IL12RB1: variants seen among roughly 807,000 people sequenced by gnomAD.
IL12RB1 encodes interleukin-12 receptor subunit beta-1.
A neutral mutation model predicts 94.4 loss-of-function variants in IL12RB1; 64 were observed. The observed-to-expected ratio is 0.68, with a 90% CI of 0.55 to 0.83. The LOEUF (loss-of-function observed/expected upper bound fraction) is 0.83, where lower values mean the gene tolerates loss of function less well. Among genes scored for constraint, IL12RB1 ranks in the 40% least tolerant of loss-of-function variants. IL12RB1 has a pLI of 0.00. For missense variants in IL12RB1, 814 were observed against 855.6 expected, an observed-to-expected ratio of 0.95 and a Z score of 0.61; for synonymous variants, 362 against 355.5, an observed-to-expected ratio of 1.02 and a Z score of -0.21.
chr19:18,080,414 T>C (rs571116189), intron 4 of IL12RB1, among the ~76,000 whole-genome samples: 1 of 152,272 alleles, frequency 6.6e-6, no homozygotes, highest in Admixed American at 6.5e-5. Context: ...AATTTTTGTA[T>C]TTTTAATAGA....
chr19:18,064,375 G>A (rs534593778), intron 12 of IL12RB1, among the ~76,000 whole-genome samples: 2 of 151,534 alleles, frequency 1.3e-5, no homozygotes, highest in Admixed American at 6.6e-5. Context: ...TCCTGACCTC[G>A]TGATCTGCCC....
chr19:18,092,539 A>G (rs2036676827), intron 1 of IL12RB1, among the ~76,000 whole-genome samples: 1 of 151,938 alleles, frequency 6.6e-6, no homozygotes, highest in African/African-American at 2.4e-5. Context: ...GCATGGTGGC[A>G]CGCGCCTGTA....
intron 1 of IL12RB1, among the ~76,000 whole-genome samples, chr19:18,092,849 A>C (rs911342054): frequency 1.3e-5 from 2 of 152,110 alleles, no homozygotes; most frequent in Admixed American, 1.3e-4. Flanking sequence ...TACCAAGAAA[A>C]AAGTTCATTC....
Position 18,086,901 on chromosome 19 carries a change from G to A in IL12RB1, c.-78C>T, listed in dbSNP as rs774754819. 2.5e-5 allele frequency: 40 copies of A among 1,572,536 alleles called. No individual in the cohort carries two copies. The East Asian group carries it at 4.5e-4, about 18-fold the overall frequency. ...GGTTCAGCCACCCCGTCCCCACTCC[G>A]GAACACATTGAAGCTGAGCAAGGAG... On this transcript the variant is annotated 5_prime_UTR_variant, in exon 1 of 17. Coordinates refer to ENST00000593993, the MANE Select transcript of IL12RB1 (RefSeq NM_005535.3).
At chr19:18,070,082 A>T (rs1236868231) in intron 9 of IL12RB1, among the ~76,000 whole-genome samples, 4 of 151,742 alleles carry the variant, frequency 2.6e-5, no homozygotes, top group Non-Finnish European at 4.4e-5. Context: ...TTTCCTGGCT[A>T]ATTTATTATT....
In IL12RB1 at chr19:18,063,894, G is replaced by C. The variant is rs11575932; in HGVS notation, c.1600C>G (p.Pro534Ala). The change falls in exon 13 of 17, where the codon CCC becomes GCC. Residue 534 changes from proline (P) to alanine (A), a missense_variant. Transcript: ENST00000593993. The part of the protein sequence containing the change: ...TAWLRGVWSQ[P>A]QRFSIEVQVS... The stretch of plus-strand genomic sequence containing the variant: ...CACTCACCGATGCTGAAGCGCTGGG[G>C]CTGGCTCCAGACACCCCTCAGCCAC... 1.9e-6 allele frequency: 3 copies of C among 1,613,338 alleles called. No homozygotes were observed. The highest frequency in any genetic ancestry group is 2.5e-6 in the Non-Finnish European group (3 of 1,179,640).
intron 1 of IL12RB1, among the ~76,000 whole-genome samples, chr19:18,092,666 G>A (rs2146582636): frequency 1.7e-5 from 1 of 59,730 alleles, no homozygotes; most frequent in Non-Finnish European, 3.1e-5. Context: ...GCAAAACTCT[G>A]TCTGAAAAAA....
In IL12RB1 at chr19:18,062,169, G is replaced by A. The variant is rs1429995619; in HGVS notation, c.1715+12C>T. The A allele has an allele frequency of 3.2e-6, 5 of 1,550,166 alleles. No homozygotes were observed. Among genetic ancestry groups the A allele is most frequent in the Middle Eastern group, 1.7e-4 (1 of 5,996 alleles). ...TACCATCGCTATGGTAACGGTAAGAGGTGTCAGTTACCTGTTCAGGCCAAG... is the reference window on the plus strand; with the variant it reads ...TACCATCGCTATGGTAACGGTAAGAAGTGTCAGTTACCTGTTCAGGCCAAG... On this transcript the variant is annotated intron_variant, in intron 14 of 16. Transcript: ENST00000593993.
At position 18,071,372 on chromosome 19, in the gene IL12RB1, C is replaced by A. The variant is rs17886428; in HGVS notation, c.1021+740G>T. 3.8e-4 allele frequency: 388 copies of A among 1,024,726 alleles called. No homozygotes were observed. In the African/African-American group the frequency reaches 5.6e-3, roughly 15 times the overall value. The allele number at this position is 1,024,726 out of a possible 1,614,324, so 63.5% of individuals were successfully genotyped here. A position where few individuals can be genotyped will look rare whatever the true frequency, so the allele number is the denominator to read the frequency against. Reference sequence around the variant, plus strand: ...AAAAAGAAATTAGATCTTAAATAAACACAGGGTCAACTCTAGCCTTTTTTC... The same window carrying A: ...AAAAAGAAATTAGATCTTAAATAAAAACAGGGTCAACTCTAGCCTTTTTTC... On this transcript the variant is annotated intron_variant, in intron 9 of 16. Transcript: ENST00000593993.
In IL12RB1 at chr19:18,062,286, G is replaced by A; in HGVS notation, c.1619-9C>T. The A allele has an allele frequency of 6.3e-7, 1 of 1,585,280 alleles. No homozygotes were observed. The highest frequency in any genetic ancestry group is 1.7e-4 in the Middle Eastern group (1 of 5,972). On this transcript the variant is annotated splice_polypyrimidine_tract_variant and intron_variant, in intron 13 of 16. Transcript: ENST00000593993. The stretch of plus-strand genomic sequence containing the variant: ...ATCAGAAACCTGCACTTCTGAGGTG[G>A]GAGAGCGTGGGTTGGCAGAGGGCTA...
intron 1 of IL12RB1, among the ~76,000 whole-genome samples, chr19:18,084,283 T>TATCCATCCATCCATCC (rs201729346): frequency 1.2e-4 from 15 of 129,582 alleles, no homozygotes; most frequent in African/African-American, 3.6e-4. Flanking sequence ...CCCATCCATC[T>TATCCATCCATCCATCC]ATCCATCCAT....
chr19:18,097,796 G>T, intron 1 of IL12RB1: 4 of 1,223,072 alleles, frequency 3.3e-6, no homozygotes, highest in East Asian at 6.4e-5. Flanking sequence ...CCGGGCCATG[G>T]ACGAGTCGAG....
upstream of IL12RB1, among the ~76,000 whole-genome samples, chr19:18,087,543 T>C (rs2146517167): frequency 6.6e-6 from 1 of 150,714 alleles, no homozygotes; most frequent in African/African-American, 2.4e-5. Context: ...TGAGATAGGG[T>C]CTTGATCTGT....
upstream of IL12RB1, among the ~76,000 whole-genome samples, chr19:18,089,812 C>T (rs2036553220): frequency 6.6e-6 from 1 of 152,168 alleles, no homozygotes; most frequent in South Asian, 2.1e-4. Context: ...GGAGGAGGTC[C>T]CTCCTTCAAG....
chr19:18,062,223 C>T lies in IL12RB1; in HGVS notation c.1673G>A (p.Ser558Asn). The T allele has an allele frequency of 6.2e-7, 1 of 1,613,488 alleles. No homozygotes were observed. Among genetic ancestry groups the T allele is most frequent in the South Asian group, 1.1e-5 (1 of 91,068 alleles). ...GCCAAGGACGCCCACGAGAAGGATG[C>T]TCAGGAAGCTCCCCAGGGAGGCGAA... ...IFFASLGSFL[S>N]ILLVGVLGYL... Residue 558 changes from serine (S) to asparagine (N), a missense_variant, in exon 14 of 17, where the codon AGC becomes AAC. Coordinates refer to ENST00000593993, the MANE Select transcript of IL12RB1 (RefSeq NM_005535.3).
chr19:18,060,775 T>G (rs967120929), intron 15 of IL12RB1, among the ~76,000 whole-genome samples: 1 of 151,922 alleles, frequency 6.6e-6, no homozygotes, highest in African/African-American at 2.4e-5. Context: ...ATGGGGAAAA[T>G]GGACACCCTG....
At chr19:18,082,085 C>T (rs1207566985) in intron 3 of IL12RB1, 65 bp downstream of exon 3, 1 of 976,254 alleles carries the variant, frequency 1.0e-6, no homozygotes, top group East Asian at 2.5e-5. Context: ...GTAGGGGCAC[C>T]AGAGGGGGTT....
At chr19:18,062,487 T>C (rs897929651) in intron 13 of IL12RB1, among the ~76,000 whole-genome samples, 15 of 152,134 alleles carry the variant, frequency 9.9e-5, no homozygotes, top group Non-Finnish European at 2.2e-4. Flanking sequence ...ACTCTGTAAT[T>C]CCAGGCCGGG....
At chr19:18,078,605 T>C (rs932818179) in intron 4 of IL12RB1, among the ~76,000 whole-genome samples, 23 of 151,514 alleles carry the variant, frequency 1.5e-4, no homozygotes, top group African/African-American at 5.6e-4. Context: ...TGCCTGTCTC[T>C]TGGGGGTGAT....
Sources: allele counts gnomAD v4.1 joint callset (sites outside exome capture counted in the v4.1 genomes callset), GRCh38; gene constraint gnomAD v4.1.1; transcripts MANE v1.5; gene names NCBI Gene and HGNC (gene_info 2026-07-23, HGNC 2026-07-21).